The following BACH2 variants were observed in gnomAD, a reference collection of about 807,000 sequenced individuals.
BACH2 encodes the protein transcription regulator protein BACH2.
In BACH2, 5 loss-of-function variants were observed where a neutral mutation model predicts 61.8. That is an observed-to-expected ratio of 0.08 (90% CI 0.04 to 0.17). BACH2 has a LOEUF of 0.17. Ranked by LOEUF, BACH2 falls within the 10% of genes least tolerant of loss-of-function variation. The pLI, the probability that BACH2 is intolerant of heterozygous loss-of-function variation, is 1.00. For synonymous variants in BACH2, 446 were observed against 440.1 expected, an observed-to-expected ratio of 1.01 and a Z score of -0.17; for missense variants, 824 against 1,091.1, an observed-to-expected ratio of 0.76 and a Z score of 3.45.
intron 3 of BACH2, among the ~76,000 whole-genome samples, chr6:90,209,051 CG>C (rs1769250325): frequency 2.4e-4 from 1 of 4,204 alleles, no homozygotes; most frequent in Non-Finnish European, 4.0e-4. Context: ...CAGGGCCTGT[CG>C]GGGGGTGGGG....
intron 2 of BACH2, among the ~76,000 whole-genome samples, chr6:90,253,687 A>G (rs1170815539): frequency 1.3e-5 from 2 of 152,232 alleles, no homozygotes; most frequent in East Asian, 3.8e-4. Flanking sequence ...GGGTAACTCA[A>G]GATGAAATAA....
At chr6:90,219,424 C>T (rs1769660268) in intron 3 of BACH2, among the ~76,000 whole-genome samples, 1 of 152,240 alleles carries the variant, frequency 6.6e-6, no homozygotes, top group Non-Finnish European at 1.5e-5. Flanking sequence ...GGCTATGTCC[C>T]TCTGGAGCTG....
At chr6:90,145,866 C>A (rs1450518979) in intron 4 of BACH2, among the ~76,000 whole-genome samples, 3 of 152,140 alleles carry the variant, frequency 2.0e-5, no homozygotes, top group East Asian at 1.9e-4. Context: ...TAGAAGGCAG[C>A]TGGGGAGAAA....
chr6:90,295,654 G>GGTGTGTGTGTGTGTGTGTGTGT (rs138869202), intron 1 of BACH2, among the ~76,000 whole-genome samples: 3 of 147,734 alleles, frequency 2.0e-5, no homozygotes, highest in African/African-American at 7.5e-5. Flanking sequence ...TGGAGTGTAG[G>GGTGTGTGTGTGTGTGTGTGTGT]GTGTGTGTGT....
chr6:90,051,411 T>A (rs1411231353), intron 5 of BACH2, among the ~76,000 whole-genome samples: 2 of 152,194 alleles, frequency 1.3e-5, no homozygotes, highest in Non-Finnish European at 2.9e-5. Context: ...GTCTACCATG[T>A]TTTTAAAACA....
At chr6:90,057,716 A>C (rs555974784) in intron 5 of BACH2, among the ~76,000 whole-genome samples, 73 of 152,358 alleles carry the variant, frequency 4.8e-4, no homozygotes, top group African/African-American at 1.7e-3. Flanking sequence ...ATTGATGCAA[A>C]AATCCTCAAG....
intron 4 of BACH2, among the ~76,000 whole-genome samples, chr6:90,196,177 T>C (rs1768752636): frequency 6.6e-6 from 1 of 152,044 alleles, no homozygotes. Flanking sequence ...TAAGAAAATA[T>C]GATTGCAACT....
chr6:89,934,620 C>T (rs760420551), intron 8 of BACH2, among the ~76,000 whole-genome samples: 1 of 151,948 alleles, frequency 6.6e-6, no homozygotes, highest in Non-Finnish European at 1.5e-5. Flanking sequence ...GATTGCACCA[C>T]TGCACTCCAG....
At chr6:89,998,632 T>C (rs1317827326) in intron 6 of BACH2, among the ~76,000 whole-genome samples, 1 of 152,152 alleles carries the variant, frequency 6.6e-6, no homozygotes, top group Non-Finnish European at 1.5e-5. Context: ...AACTGATTAG[T>C]GCCCACAATT....
intron 6 of BACH2, among the ~76,000 whole-genome samples, chr6:89,998,194 C>G (rs1309803280): frequency 1.3e-5 from 2 of 151,608 alleles, no homozygotes; most frequent in Non-Finnish European, 2.9e-5. Context: ...CCTTGGCCAA[C>G]TTTTGGCCTT....
intron 4 of BACH2, among the ~76,000 whole-genome samples, chr6:90,205,517 C>T (rs992471952): frequency 6.6e-6 from 1 of 152,108 alleles, no homozygotes; most frequent in Admixed American, 6.5e-5. Context: ...GGGGATGCTA[C>T]AAAAAATCCT....
chr6:90,011,975 T>TGTGA (rs1479827771), intron 5 of BACH2, among the ~76,000 whole-genome samples: 2 of 139,836 alleles, frequency 1.4e-5, no homozygotes, highest in Non-Finnish European at 3.0e-5. Flanking sequence ...TGTGTGTGTG[T>TGTGA]ATGAGTGATG....
At chr6:89,955,268 A>G (rs1347501143) in intron 6 of BACH2, among the ~76,000 whole-genome samples, 1 of 152,180 alleles carries the variant, frequency 6.6e-6, no homozygotes, top group Non-Finnish European at 1.5e-5. Context: ...TGTAGGACTC[A>G]GGCCTGTGCT....
chr6:90,249,664 C>T (rs1367163028), intron 3 of BACH2, among the ~76,000 whole-genome samples: 3 of 152,012 alleles, frequency 2.0e-5, no homozygotes, highest in African/African-American at 7.3e-5. Context: ...CTCAACTACT[C>T]GAGAGGCTGA....
At chr6:90,251,973 G>C (rs1317543244) in intron 3 of BACH2, among the ~76,000 whole-genome samples, 1 of 152,132 alleles carries the variant, frequency 6.6e-6, no homozygotes, top group Non-Finnish European at 1.5e-5. Context: ...GAAAGGAAAG[G>C]AGAAGGAAGG....
At chr6:90,053,597 G>A (rs2127795475) in intron 5 of BACH2, among the ~76,000 whole-genome samples, 1 of 152,284 alleles carries the variant, frequency 6.6e-6, no homozygotes, top group East Asian at 1.9e-4. Context: ...ATTCTTTCAA[G>A]TTCCTTCAGT....
At chr6:90,144,856 T>C (rs1050669443) in intron 4 of BACH2, among the ~76,000 whole-genome samples, 10 of 152,208 alleles carry the variant, frequency 6.6e-5, no homozygotes, top group Admixed American at 6.5e-5. Context: ...AGAGCGATCA[T>C]CCGTGATTGT....
At chr6:90,103,972 T>C (rs1457481551) in intron 4 of BACH2, among the ~76,000 whole-genome samples, 2 of 152,178 alleles carry the variant, frequency 1.3e-5, no homozygotes, top group Admixed American at 6.5e-5. Context: ...CAATGAAGTG[T>C]AGAGAAGTGA....
intron 4 of BACH2, among the ~76,000 whole-genome samples, chr6:90,094,368 T>C (rs1463708573): frequency 1.3e-5 from 2 of 152,190 alleles, no homozygotes; most frequent in African/African-American, 4.8e-5. Context: ...CCCAGGAAAC[T>C]ACAGGTGAAA....
Sources: allele counts gnomAD v4.1 joint callset (sites outside exome capture counted in the v4.1 genomes callset), GRCh38; gene constraint gnomAD v4.1.1; transcripts MANE v1.5; gene names NCBI Gene and HGNC (gene_info 2026-07-23, HGNC 2026-07-21).